The following FARSA variants were observed in gnomAD, a reference collection of about 807,000 sequenced individuals.
The protein encoded by FARSA is phenylalanyl-tRNA synthetase subunit alpha.
In FARSA, 37 loss-of-function variants were observed where a neutral mutation model predicts 63.2. The ratio of observed to expected loss-of-function variants is 0.59; its 90% CI spans 0.45 to 0.77. The LOEUF (loss-of-function observed/expected upper bound fraction) is 0.77, where lower values mean the gene tolerates loss of function less well. Ranked by LOEUF, FARSA falls within the 30% of genes least tolerant of loss-of-function variation. The probability of loss-of-function intolerance (pLI) is 0.00; values close to 1 mark genes in which losing one functional copy is unlikely to be tolerated. For missense variants in FARSA, 618 were observed against 696.6 expected, an observed-to-expected ratio of 0.89 and a Z score of 1.27; for synonymous variants, 312 against 285.1, an observed-to-expected ratio of 1.09 and a Z score of -0.95.
At chr19:12,931,077 A>C (rs996682642) in intron 1 of FARSA, among the ~76,000 whole-genome samples, 5 of 152,138 alleles carry the variant, frequency 3.3e-5, no homozygotes, top group African/African-American at 1.2e-4. Flanking sequence ...AGGTGAACTG[A>C]TATGTCTCCA....
chr19:12,930,780 C>T (rs745603403), intron 1 of FARSA, 31 bp from the exon 2 acceptor site: 17 of 1,601,188 alleles, frequency 1.1e-5, no homozygotes, highest in African/African-American at 2.7e-5. Context: ...GGTGTCCAGG[C>T]AGGGGTGAGG....
At position 12,928,532 on chromosome 19, in the gene FARSA, C is replaced by A; in HGVS notation, c.725+3G>T. 6.2e-7 allele frequency: 1 copy of A among 1,614,134 alleles called. No homozygotes were observed. Among genetic ancestry groups the A allele is most frequent in the Non-Finnish European group, 8.5e-7 (1 of 1,180,006 alleles). On this transcript the variant is annotated splice_donor_region_variant and intron_variant, in intron 6 of 12. Transcript: ENST00000314606. ...CAGGCACCGCCCCCAGCCCTGTGCTCACCCCATCTCCAGGAAGATCTGTCG... is the reference window on the plus strand; with the variant it reads ...CAGGCACCGCCCCCAGCCCTGTGCTAACCCCATCTCCAGGAAGATCTGTCG...
chr19:12,933,506 T>C lies in FARSA; in HGVS notation c.147+44A>G, dbSNP rs150871522. 2.4e-3 allele frequency: 3,742 copies of C among 1,530,238 alleles called. 11 individuals are homozygous for C. The highest frequency in any genetic ancestry group is 3.0e-3 in the Non-Finnish European group (3,399 of 1,141,688). 94.8% of individuals were successfully genotyped at this position (1,530,238 alleles called of 1,614,324 possible). On this transcript the variant is annotated intron_variant, in intron 1 of 12. Transcript: ENST00000314606. ...TAGAGCGCCCGTGGCAAGGGGACTG[T>C]AGGTGCAAGGGCAAGGCGGTCCGGC...
chr19:12,928,023 C>CAAAAAA (rs34586259), intron 7 of FARSA, among the ~76,000 whole-genome samples: 1,051 of 73,310 alleles, frequency 0.014, 107 homozygotes, highest in African/African-American at 0.024. Context: ...GACCCTGTCT[C>CAAAAAA]AAAAAAAAAA....
chr19:12,924,537 TG>T lies in FARSA; in HGVS notation c.1196-12del, dbSNP rs781468401. 4.1e-5 allele frequency: 66 copies of T among 1,613,086 alleles called. No homozygotes were observed. The Admixed American group carries it at 1.1e-3, about 26-fold the overall frequency. On this transcript the variant is annotated splice_polypyrimidine_tract_variant and intron_variant, in intron 10 of 12. Transcript: ENST00000314606. This position sits in a 1 kb window ranked among gnomAD's most constrained non-coding sequence, Gnocchi z 6.4. ...GGAGTTGCGTGATACCTGCAGGAAG[TG>T]GGGGGCGGGCAGGAGAGCAGGGGTT...
chr19:12,924,793 C>T lies in FARSA; in HGVS notation c.1041G>A (p.Pro347=), dbSNP rs530112428. ...CGCGGTCGATGGAGAAGTACTTGAC[C>T]GGAGTGAAGGGCTTCTAGGGGTGAC... ...YRLAQKKPFT[P]VKYFSIDRVF... is the part of the protein sequence containing the mutation. Residue 347 remains proline, a synonymous_variant, in exon 10 of 13, where the codon CCG becomes CCA. Coordinates refer to ENST00000314606, the MANE Select transcript of FARSA (RefSeq NM_004461.3). This position sits in a 1 kb window ranked among gnomAD's most constrained non-coding sequence, Gnocchi z 6.4. 9.3e-6 allele frequency: 15 copies of T among 1,605,732 alleles called. No individual in the cohort carries two copies. The highest frequency in any genetic ancestry group is 5.5e-5 in the South Asian group (5 of 90,510).
At chr19:12,923,759 C>T (rs529268544) in intron 12 of FARSA, among the ~76,000 whole-genome samples, 1 of 152,350 alleles carries the variant, frequency 6.6e-6, no homozygotes, top group East Asian at 1.9e-4. Flanking sequence ...GGATTACAGG[C>T]ATGTGCCACC....
chr19:12,932,510 A>T (rs1971408502), intron 1 of FARSA, among the ~76,000 whole-genome samples: 1 of 152,164 alleles, frequency 6.6e-6, no homozygotes, highest in African/African-American at 2.4e-5. Flanking sequence ...TGGGCTCTGC[A>T]GCCTGAGTGC....
chr19:12,925,977 CT>C (rs1299596159), intron 7 of FARSA, among the ~76,000 whole-genome samples: 2 of 125,218 alleles, frequency 1.6e-5, no homozygotes, highest in Admixed American at 8.0e-5. Flanking sequence ...TTTATTTTTT[CT>C]TTTTTTTTGA....
chr19:12,930,464 T>G lies in FARSA; in HGVS notation c.349A>C (p.Lys117Gln). 3 of 1,614,218 alleles carry G rather than the reference T, an allele frequency of 1.9e-6. No individual in the cohort carries two copies. The highest frequency in any genetic ancestry group is 2.5e-6 in the Non-Finnish European group (3 of 1,180,016). ...ACCCGGGGCCCGTCAGCCGCACTCT[T>G]GTCCACCCGAATCCACTTGTTGGAC... The part of the protein sequence containing the change: ...AMSNKWIRVD[K>Q]SAADGPRVFR... The change falls in exon 3 of 13, where the codon AAG becomes CAG. Residue 117 changes from lysine to glutamine, a missense_variant. Transcript: ENST00000314606.
chr19:12,924,646 G>A lies in FARSA; in HGVS notation c.1188C>T (p.Thr396=). 1.2e-6 allele frequency: 2 copies of A among 1,603,368 alleles called. No homozygotes were observed. Among genetic ancestry groups the A allele is most frequent in the South Asian group, 1.1e-5 (1 of 89,428 alleles). The change falls in exon 10 of 13, where the codon ACC becomes ACT. Residue 396 remains threonine (T), a synonymous_variant. Transcript: ENST00000314606. The surrounding 1 kb of genome is among the most constrained non-coding windows in gnomAD (Gnocchi z 6.4). ...HLMGVLREFF[T]KLGITQLRFK... ...CCCTGCCCCCCTGCTCACCCAGCTT[G>A]GTGAAGAACTCCCGCAGAACGCCCA...
At chr19:12,931,226 G>C (rs1426158906) in intron 1 of FARSA, among the ~76,000 whole-genome samples, 1 of 152,052 alleles carries the variant, frequency 6.6e-6, no homozygotes. Context: ...CGAGTAGCTG[G>C]GACTACAGGC....
In FARSA at chr19:12,930,803, C is replaced by G; in HGVS notation, c.148-54G>C. Reference sequence around the variant, plus strand: ...GGCAGGGGTGAGGCTCAGAGCCAGGCACCCCCTTTCTGCAGCGCTGGGTCC... The same window carrying G: ...GGCAGGGGTGAGGCTCAGAGCCAGGGACCCCCTTTCTGCAGCGCTGGGTCC... On this transcript the variant is annotated intron_variant, in intron 1 of 12. Transcript: ENST00000314606. 3.8e-6 allele frequency: 6 copies of G among 1,595,412 alleles called. No individual in the cohort carries two copies. The South Asian group carries it at 6.6e-5, about 18-fold the overall frequency.
At position 12,924,126 on chromosome 19, in the gene FARSA, C is replaced by T. The variant is rs960652476; in HGVS notation, c.1388+25G>A. 8 of 1,585,774 alleles carry T rather than the reference C, an allele frequency of 5.0e-6. No homozygotes were observed. Among genetic ancestry groups the T allele is most frequent in the Non-Finnish European group, 5.2e-6 (6 of 1,154,096 alleles). ...AGAGTTATTTGAGGCAGCTGGACAC[C>T]CCGAGTTTCCACTTGGGCACTTACC... On this transcript the variant is annotated intron_variant, in intron 12 of 12. Coordinates refer to ENST00000314606, the MANE Select transcript of FARSA (RefSeq NM_004461.3). This position sits in a 1 kb window ranked among gnomAD's most constrained non-coding sequence, Gnocchi z 6.4.
rs773153100 is a variant in FARSA at position 12,930,682 on chromosome 19, C to T, written c.215G>A (p.Arg72Gln). 5.0e-6 allele frequency: 8 copies of T among 1,613,698 alleles called. No individual in the cohort carries two copies. Among genetic ancestry groups the T allele is most frequent in the Non-Finnish European group, 5.9e-6 (7 of 1,180,018 alleles). Residue 72 changes from arginine (R) to glutamine (Q), a missense_variant, in exon 2 of 13, where the codon CGG becomes CAG. Arg to Gln is a conservative substitution (Grantham distance 43, BLOSUM62 1). Coordinates refer to ENST00000314606, the MANE Select transcript of FARSA (RefSeq NM_004461.3). Reference protein sequence around the residue: ...ELTAEGEEIAREGSHEARVFR... With the variant: ...ELTAEGEEIAQEGSHEARVFR... ...CACACGGGCCTCATGGCTGCCCTCC[C>T]GGGCAATCTCCTCGCCCTCCGCAGT...
Position 12,925,070 on chromosome 19 carries a change from C to G in FARSA, c.926+20G>C. On this transcript the variant is annotated intron_variant, in intron 8 of 12. Transcript: ENST00000314606. ...GTCCCCAGCCTCCTTCCCTTCCATACCAGGTAAGTCCTGCCTCACCCCTGT... is the reference window on the plus strand; with the variant it reads ...GTCCCCAGCCTCCTTCCCTTCCATAGCAGGTAAGTCCTGCCTCACCCCTGT... 1 of 1,611,928 alleles carries G rather than the reference C, an allele frequency of 6.2e-7. No individual in the cohort carries two copies. Among genetic ancestry groups the G allele is most frequent in the Non-Finnish European group, 8.5e-7 (1 of 1,179,278 alleles).
At chr19:12,928,200 C>A (rs1971349308) in intron 7 of FARSA, 142 bp downstream of exon 7, 11 of 644,376 alleles carry the variant, frequency 1.7e-5, no homozygotes, top group Non-Finnish European at 2.9e-5. Flanking sequence ...CTGCCTTGGC[C>A]TCCCAAATAG....
Position 12,930,541 on chromosome 19 carries a change from G to T in FARSA, c.286-14C>A. On this transcript the variant is annotated splice_polypyrimidine_tract_variant and intron_variant, in intron 2 of 12. Transcript: ENST00000314606. ...ACTGGGCAGTCGCTGGAAAAGAGAGGCTGCAGTGAGTGGGGCACGAGGGCC... is the reference window on the plus strand; with the variant it reads ...ACTGGGCAGTCGCTGGAAAAGAGAGTCTGCAGTGAGTGGGGCACGAGGGCC... The T allele has an allele frequency of 1.2e-6, 2 of 1,612,202 alleles. No individual in the cohort carries two copies. Among genetic ancestry groups the T allele is most frequent in the Non-Finnish European group, 1.7e-6 (2 of 1,178,876 alleles).
In FARSA at chr19:12,925,127, T is replaced by G; in HGVS notation, c.889A>C (p.Lys297Gln). The change falls in exon 8 of 13, where the codon AAG becomes CAG. Residue 297 changes from lysine to glutamine, a missense_variant. Coordinates refer to ENST00000314606, the MANE Select transcript of FARSA (RefSeq NM_004461.3). Reference protein sequence around the residue: ...QLPMDYVQRVKRTHSQGGYGS... With the variant: ...QLPMDYVQRVQRTHSQGGYGS... Reference sequence around the variant, plus strand: ...TAGCCGCCCTGAGAGTGGGTCCGCTTGACCCGCTGGACATAGTCCATTGGG... The same window carrying G: ...TAGCCGCCCTGAGAGTGGGTCCGCTGGACCCGCTGGACATAGTCCATTGGG... The G allele has an allele frequency of 6.2e-7, 1 of 1,608,204 alleles. No individual in the cohort carries two copies. Among genetic ancestry groups the G allele is most frequent in the Non-Finnish European group, 8.5e-7 (1 of 1,177,962 alleles).
Sources: gnomAD v4.1 joint callset for allele counts (sites outside exome capture counted in the v4.1 genomes callset) on GRCh38, gnomAD v4.1.1 for gene constraint, Gnocchi (gnomAD v3.1) non-coding constraint, MANE v1.5 for transcripts, NCBI Gene and HGNC (gene_info 2026-07-23, HGNC 2026-07-21) for gene names.